FBN3: variants seen among roughly 807,000 people sequenced by gnomAD.
FBN3 encodes the protein fibrillin 3, also known as fibrillin-3.
A neutral mutation model predicts 330.1 loss-of-function variants in FBN3; 234 were observed. That is an observed-to-expected ratio of 0.71 (90% CI 0.64 to 0.79). The LOEUF is 0.79. FBN3 is among the 30% of genes least tolerant of loss of function. FBN3 has a pLI of 0.00. For synonymous variants in FBN3, 1,458 were observed against 1,517.3 expected (o/e 0.96, Z 0.91); for missense variants, 3,606 against 3,886.9 (o/e 0.93, Z 1.92).
Position 8,117,478 on chromosome 19 carries a change from C to A in FBN3, c.3449G>T (p.Arg1150Leu), listed in dbSNP as rs201138085. The stretch of plus-strand genomic sequence containing the variant: ...CACAGTCTCACCCACGCAGCCCTGG[C>A]GGTCAGGTGTGCTCTGGAAGCCGGC... The part of the protein sequence containing the change: ...CHAGFQSTPD[R>L]QGCVDINECR... The change falls in exon 27 of 64, where the codon CGC becomes CTC. Residue 1150 changes from arginine to leucine, a missense_variant. Arg to Leu is a moderately radical substitution (Grantham distance 102, BLOSUM62 -2). Transcript: ENST00000600128. The A allele has an allele frequency of 1.3e-6, 2 of 1,560,780 alleles. No individual in the cohort carries two copies. The highest frequency in any genetic ancestry group is 1.7e-6 in the Non-Finnish European group (2 of 1,152,028).
chr19:8,077,297 T>C (rs191269009), intron 59 of FBN3, among the ~76,000 whole-genome samples: 196 of 152,318 alleles, frequency 1.3e-3, no homozygotes, highest in African/African-American at 4.4e-3. Context: ...TTTAGCTTCC[T>C]TGAGTACAGA....
rs375220083 is a variant in FBN3 at position 8,066,001 on chromosome 19, C to T, written c.8348G>A (p.Gly2783Glu). 1.9e-6 allele frequency: 3 copies of T among 1,612,916 alleles called. No homozygotes were observed. The African/African-American group carries it at 4.0e-5, about 22-fold the overall frequency. Residue 2783 changes from glycine to glutamate, a missense_variant, in exon 64 of 64, where the codon GGA becomes GAA. Gly to Glu is a moderately conservative substitution (Grantham distance 98). Coordinates refer to ENST00000600128, the MANE Select transcript of FBN3 (RefSeq NM_032447.5). ...YRLEVVSHMA[G>E]PWGVQPEGQP... ...CCCCTCTGGCTGGACACCCCAGGGT[C>T]CTGCCATGTGGCTCACCACCTCCAG...
chr19:8,141,160 A>C (rs1440616488), intron 8 of FBN3, among the ~76,000 whole-genome samples: 3 of 130,822 alleles, frequency 2.3e-5, no homozygotes, highest in Non-Finnish European at 4.7e-5. Context: ...GCGCCACTGC[A>C]CTCCAGCCTG....
Position 8,121,184 on chromosome 19 carries a change from G to T in FBN3, c.3211+74C>A, listed in dbSNP as rs1219568952. 1 of 1,388,918 alleles carries T rather than the reference G, an allele frequency of 7.2e-7. No individual in the cohort carries two copies. Among genetic ancestry groups the T allele is most frequent in the Non-Finnish European group, 9.8e-7 (1 of 1,019,884 alleles). The allele number at this position is 1,388,918 out of a possible 1,614,324, so 86.0% of individuals were successfully genotyped here. A position where few individuals can be genotyped will look rare whatever the true frequency, so the allele number is the denominator to read the frequency against. On this transcript the variant is annotated intron_variant, in intron 25 of 63. Transcript: ENST00000600128. The surrounding 1 kb of genome is among the most constrained non-coding windows in gnomAD (Gnocchi z 4.5). ...CATCCACGTCCACACAGCAACAGCC[G>T]TCCCCACCCTCCCTCTCCTCAATGC...
At chr19:8,076,286 T>C (rs1188459855) in intron 59 of FBN3, among the ~76,000 whole-genome samples, 4 of 101,610 alleles carry the variant, frequency 3.9e-5, no homozygotes, top group Admixed American at 9.4e-5. Flanking sequence ...GTGTAAGCTA[T>C]TGTTTTAAAC....
rs149095306 is a variant in FBN3 at position 8,147,338 on chromosome 19, C to T, written c.143G>A (p.Arg48Gln). The T allele has an allele frequency of 3.5e-3, 5,516 of 1,598,764 alleles. 12 individuals carry two copies. Among genetic ancestry groups the T allele is most frequent in the Non-Finnish European group, 4.1e-3 (4,777 of 1,174,672 alleles). The change falls in exon 2 of 64, where the codon CGG becomes CAG. Residue 48 changes from arginine to glutamine, a missense_variant. Coordinates refer to ENST00000600128, the MANE Select transcript of FBN3 (RefSeq NM_032447.5). Reference protein sequence around the residue: ...EAAGPGRVRRRGSPGILQGPN... With the variant: ...EAAGPGRVRRQGSPGILQGPN... ...CCCCTGCAAGATGCCTGGGCTGCCC[C>T]GCCTCCGCACACGTCCAGGACCTGC...
At chr19:8,135,936 G>GGGGGGGGGGCCCCCC in intron 13 of FBN3, 25 bp downstream of exon 13, 5 of 668,770 alleles carry the variant, frequency 7.5e-6, no homozygotes, top group Non-Finnish European at 1.2e-5. Context: ...GGAAGCCCCT[G>GGGGGGGGGGCCCCCC]CCCACCCGCC....
intron 59 of FBN3, among the ~76,000 whole-genome samples, chr19:8,079,916 G>A (rs1363697058): frequency 6.6e-6 from 1 of 152,146 alleles, no homozygotes; most frequent in African/African-American, 2.4e-5. Flanking sequence ...TTCTTGTTAT[G>A]TCTGCCTCTA....
intron 10 of FBN3, among the ~76,000 whole-genome samples, chr19:8,136,839 G>GCCTGGATCCCTCCAACCTGGGA (rs2083293798): frequency 7.2e-6 from 1 of 139,212 alleles, no homozygotes; most frequent in Non-Finnish European, 1.5e-5. Flanking sequence ...CCAACCTGGG[G>GCCTGGATCCCTCCAACCTGGGA]CCTGGATCCC....
Position 8,076,912 on chromosome 19 carries a change from A to G in FBN3, c.7454-1501T>C, listed in dbSNP as rs564822940. Among the ~76,000 whole-genome samples, 4 of 152,156 alleles carry G rather than the reference A, an allele frequency of 2.6e-5. No homozygotes were observed. The East Asian group carries it at 7.8e-4, about 30-fold the overall frequency. On this transcript the variant is annotated intron_variant, in intron 59 of 63. Coordinates refer to ENST00000600128, the MANE Select transcript of FBN3 (RefSeq NM_032447.5). ...GGGTAGCTGGGACTACAGGTGCACA[A>G]GACCATGCCTGGCTAATTTTTGTAT... is the stretch of plus-strand genomic sequence containing the variant.
At position 8,096,408 on chromosome 19, in the gene FBN3, C is replaced by T. The variant is rs1245227822; in HGVS notation, c.5539+36G>A. Reference sequence around the variant, plus strand: ...AGGGGAGGTTTAGACCCCAGGCAGCCTGGCTTGAAAAGGAGGGGGAAGATA... The same window carrying T: ...AGGGGAGGTTTAGACCCCAGGCAGCTTGGCTTGAAAAGGAGGGGGAAGATA... On this transcript the variant is annotated intron_variant, in intron 44 of 63. Coordinates refer to ENST00000600128, the MANE Select transcript of FBN3 (RefSeq NM_032447.5). This position sits in a 1 kb window ranked among gnomAD's most constrained non-coding sequence, Gnocchi z 4.6. 6.3e-7 allele frequency: 1 copy of T among 1,599,034 alleles called. No homozygotes were observed. Among genetic ancestry groups the T allele is most frequent in the Admixed American group, 1.7e-5 (1 of 58,674 alleles).
rs1307618611 is a variant in FBN3, at chr19:8,106,095, A to G, written c.4813+13T>C. ...GAAGAGCCTGACCCACCCCAAAGAG[A>G]ATCCATGCTCACCCTCACAGATGCG... On this transcript the variant is annotated intron_variant, in intron 38 of 63. Transcript: ENST00000600128. 1 of 1,613,698 alleles carries G rather than the reference A, an allele frequency of 6.2e-7. No homozygotes were observed. Among genetic ancestry groups the G allele is most frequent in the Admixed American group, 1.7e-5 (1 of 59,990 alleles).
rs559978361 is a variant in FBN3, at chr19:8,092,922, G to A, written c.5906-1332C>T. Among the ~76,000 whole-genome samples the A allele has an allele frequency of 9.2e-5, 14 of 152,062 alleles. No individual in the cohort carries two copies. The South Asian group carries it at 2.1e-3, about 23-fold the overall frequency. On this transcript the variant is annotated intron_variant, in intron 47 of 63. Transcript: ENST00000600128. ...GGACCCCCAGGGAAGGATGGGAGGG[G>A]GGTGAGGGATAAAAGACTACATACT... is the stretch of plus-strand genomic sequence containing the variant.
At chr19:8,113,270 CT>C (rs142801935) in intron 30 of FBN3, among the ~76,000 whole-genome samples, 3,224 of 152,022 alleles carry the variant, frequency 0.021, 120 homozygotes, top group African/African-American at 0.074. Context: ...TACAAAAACA[CT>C]TTTTTTTCCC....
At position 8,147,194 on chromosome 19, in the gene FBN3, G is replaced by A. The variant is rs1049041547; in HGVS notation, c.168-8C>T. 2 of 1,564,424 alleles carry A rather than the reference G, an allele frequency of 1.3e-6. No individual in the cohort carries two copies. The highest frequency in any genetic ancestry group is 1.2e-5 in the South Asian group (1 of 84,998). Reference sequence around the variant, plus strand: ...GAGCCGCACACATTCGGCCTTCGGGGACAGCGAGATGGGTCTGGTGAGCCC... The same window carrying A: ...GAGCCGCACACATTCGGCCTTCGGGAACAGCGAGATGGGTCTGGTGAGCCC... On this transcript the variant is annotated splice_region_variant and splice_polypyrimidine_tract_variant and intron_variant, in intron 2 of 63. Coordinates refer to ENST00000600128, the MANE Select transcript of FBN3 (RefSeq NM_032447.5).
At chr19:8,088,267 G>A (rs900170245) in intron 51 of FBN3, 88 bp from the exon 52 acceptor site, 1 of 1,476,316 alleles carries the variant, frequency 6.8e-7, no homozygotes, top group Non-Finnish European at 9.1e-7. Flanking sequence ...GACCACCACA[G>A]ATCGGAGGGG....
intron 38 of FBN3, 33 bp from the exon 39 acceptor site, chr19:8,103,720 G>T: frequency 6.2e-7 from 1 of 1,604,084 alleles, no homozygotes; most frequent in Non-Finnish European, 8.5e-7. Context: ...GGGGAACAGT[G>T]GGCAGCGTCC....
At position 8,096,585 on chromosome 19, in the gene FBN3, G is replaced by A. The variant is rs1272226456; in HGVS notation, c.5414-16C>T. On this transcript the variant is annotated splice_polypyrimidine_tract_variant and intron_variant, in intron 43 of 63. Transcript: ENST00000600128. The surrounding 1 kb of genome is among the most constrained non-coding windows in gnomAD (Gnocchi z 4.6). ...TCATTCCGTCCTGGGGGTGCAGAGA[G>A]CATGGTGTTCCCAGGGCTCCTACCA... 6.2e-7 allele frequency: 1 copy of A among 1,601,840 alleles called. No individual in the cohort carries two copies.
chr19:8,072,966 C>T lies in FBN3; in HGVS notation c.7937+97G>A, dbSNP rs895686041. 131 of 645,258 alleles carry T rather than the reference C, an allele frequency of 2.0e-4. No individual in the cohort carries two copies. In the Admixed American group the frequency reaches 2.4e-3, roughly 12 times the overall value. 40.0% of individuals were successfully genotyped at this position (645,258 alleles called of 1,614,324 possible). A position where few individuals can be genotyped will look rare whatever the true frequency, so the allele number is the denominator to read the frequency against. On this transcript the variant is annotated intron_variant, in intron 62 of 63. Transcript: ENST00000600128. ...TAAATTCTTGGCATGCACAAAGCCC[C>T]GTGTGTGTGTGTGTGTGTGTGTGTG... is the stretch of plus-strand genomic sequence containing the variant.
Sources: gnomAD v4.1 joint callset for allele counts (sites outside exome capture counted in the v4.1 genomes callset) on GRCh38, gnomAD v4.1.1 for gene constraint, Gnocchi (gnomAD v3.1) non-coding constraint, MANE v1.5 for transcripts, NCBI Gene and HGNC (gene_info 2026-07-23, HGNC 2026-07-21) for gene names.